The following DNAH6 variants were observed in gnomAD, a reference collection of about 807,000 sequenced individuals.
DNAH6 encodes axonemal beta dynein heavy chain 6.
In DNAH6, 340 loss-of-function variants were observed where a neutral mutation model predicts 491.4. The ratio of observed to expected loss-of-function variants is 0.69; its 90% CI spans 0.63 to 0.76. The LOEUF (loss-of-function observed/expected upper bound fraction) is 0.76, where lower values mean the gene tolerates loss of function less well. Among genes scored for constraint, DNAH6 ranks in the 30% least tolerant of loss-of-function variants. DNAH6 has a pLI of 0.00. For synonymous variants in DNAH6, 1,603 were observed against 1,686.1 expected (o/e 0.95, Z 1.21); for missense variants, 4,443 against 4,972.2 (o/e 0.89, Z 3.20).
At chr2:84,574,746 A>G (rs537242646) in intron 12 of DNAH6, among the ~76,000 whole-genome samples, 1 of 152,356 alleles carries the variant, frequency 6.6e-6, no homozygotes, top group Admixed American at 6.5e-5. Flanking sequence ...ATGGCATCAC[A>G]GTGGCAGCAG....
At position 84,730,691 on chromosome 2, in the gene DNAH6, C is replaced by A. The variant is rs556214907; in HGVS notation, c.10207-2753C>A. On this transcript the variant is annotated intron_variant, in intron 61 of 76. Transcript: ENST00000389394. ...GGACAAGCTTTTTTTAAAGCATTTTCTCTTAATGCTAGGAATCCAAAAAAT... is the reference window on the plus strand; with the variant it reads ...GGACAAGCTTTTTTTAAAGCATTTTATCTTAATGCTAGGAATCCAAAAAAT... Among the ~76,000 whole-genome samples, 415 of 152,294 alleles carry A rather than the reference C, an allele frequency of 2.7e-3. 3 individuals are homozygous for A. Among genetic ancestry groups the A allele is most frequent in the African/African-American group, 9.7e-3 (405 of 41,576 alleles).
chr2:84,576,126 A>G (rs895946243), intron 12 of DNAH6, among the ~76,000 whole-genome samples: 6 of 152,234 alleles, frequency 3.9e-5, no homozygotes, highest in African/African-American at 9.6e-5. Flanking sequence ...ACAGCGCAGC[A>G]TTATACGGGT....
the DNAH6 span, among the ~76,000 whole-genome samples, chr2:84,465,960 A>C: frequency 6.6e-6 from 1 of 152,202 alleles, no homozygotes; most frequent in Non-Finnish European, 1.5e-5. Context: ...TTTTCATGTA[A>C]GCTCTTTTTA....
intron 9 of DNAH6, among the ~76,000 whole-genome samples, chr2:84,551,081 C>T (rs1425916999): frequency 6.6e-6 from 1 of 152,162 alleles, no homozygotes; most frequent in Non-Finnish European, 1.5e-5. Context: ...ATGCTCACCT[C>T]ATTTCATCAA....
chr2:84,488,804 A>G, the DNAH6 span, among the ~76,000 whole-genome samples: 4 of 152,220 alleles, frequency 2.6e-5, no homozygotes, highest in Non-Finnish European at 5.9e-5. Context: ...AAACATCTTT[A>G]GGAGCTATTA....
chr2:84,572,877 T>C (rs895960999), intron 11 of DNAH6, among the ~76,000 whole-genome samples: 1 of 152,212 alleles, frequency 6.6e-6, no homozygotes, highest in Non-Finnish European at 1.5e-5. Context: ...GACACAGTTA[T>C]TAAAGGGACT....
Position 84,547,354 on chromosome 2 carries a change from C to T in DNAH6, c.1017C>T (p.Thr339=). The change falls in exon 6 of 77, where the codon ACC becomes ACT. Residue 339 remains threonine, a synonymous_variant. Coordinates refer to ENST00000389394, the MANE Select transcript of DNAH6 (RefSeq NM_001370.2). ...MGLCYIEKCH[T]YTLQEFKAAQ... ...TTTGTTATATTGAAAAGTGTCACAC[C>T]TACACCCTGCAGGAATTTAAGGCCG... The T allele has an allele frequency of 6.4e-7, 1 of 1,551,640 alleles. No individual in the cohort carries two copies. The highest frequency in any genetic ancestry group is 8.7e-7 in the Non-Finnish European group (1 of 1,146,926).
intron 63 of DNAH6, among the ~76,000 whole-genome samples, chr2:84,757,303 G>A (rs1402120722): frequency 6.6e-6 from 1 of 152,182 alleles, no homozygotes. Context: ...AGCACAGAGA[G>A]AAAGACCTCA....
chr2:84,725,500 A>T (rs1698539944), intron 60 of DNAH6, among the ~76,000 whole-genome samples: 1 of 152,242 alleles, frequency 6.6e-6, no homozygotes, highest in African/African-American at 2.4e-5. Flanking sequence ...TATTAACCCA[A>T]GCAAAATAAG....
At chr2:84,745,343 A>T (rs1672861658) in intron 63 of DNAH6, 94 bp downstream of exon 63, 5 of 1,022,850 alleles carry the variant, frequency 4.9e-6, no homozygotes, top group Non-Finnish European at 6.6e-6. Flanking sequence ...TGAGAGTAAC[A>T]ATGGCCAAGT....
intron 70 of DNAH6, among the ~76,000 whole-genome samples, chr2:84,801,269 GAAA>G (rs548174516): frequency 4.5e-5 from 5 of 110,494 alleles, no homozygotes; most frequent in South Asian, 3.1e-4. Context: ...AAAAGAAAAA[GAAA>G]AAAAAAAAAA....
intron 22 of DNAH6, among the ~76,000 whole-genome samples, chr2:84,615,670 A>G (rs1686786292): frequency 6.6e-6 from 1 of 152,178 alleles, no homozygotes; most frequent in Admixed American, 6.6e-5. Flanking sequence ...ATTCATGAAC[A>G]TAGGATGTGT....
intron 64 of DNAH6, among the ~76,000 whole-genome samples, chr2:84,774,524 C>T (rs1253715858): frequency 6.6e-6 from 1 of 151,820 alleles, no homozygotes; most frequent in Non-Finnish European, 1.5e-5. Context: ...TCTTTTTACA[C>T]GGGATTGCTT....
In DNAH6 at chr2:84,633,958, A is replaced by G. The variant is rs183781721; in HGVS notation, c.4516-546A>G. On this transcript the variant is annotated intron_variant, in intron 29 of 76. Coordinates refer to ENST00000389394, the MANE Select transcript of DNAH6 (RefSeq NM_001370.2). ...CAAGATTTATATACATGCTTAACCA[A>G]TATCTCAAGTGCCCAAAAGAAATGC... is the stretch of plus-strand genomic sequence containing the variant. Among the ~76,000 whole-genome samples, 326 of 152,326 alleles carry G rather than the reference A, an allele frequency of 2.1e-3. 2 individuals are homozygous for G. The highest frequency in any genetic ancestry group is 7.7e-3 in the African/African-American group (321 of 41,584).
intron 65 of DNAH6, among the ~76,000 whole-genome samples, chr2:84,782,328 T>C (rs1049716868): frequency 2.6e-5 from 4 of 152,234 alleles, no homozygotes; most frequent in African/African-American, 9.6e-5. Context: ...CACTCTGCTG[T>C]GAAGCCCTGG....
intron 63 of DNAH6, among the ~76,000 whole-genome samples, chr2:84,752,163 A>G (rs1441014054): frequency 1.3e-5 from 2 of 152,192 alleles, no homozygotes; most frequent in Non-Finnish European, 1.5e-5. Flanking sequence ...GATGAATCTC[A>G]CTTAGAGCAA....
At chr2:84,658,001 A>G (rs1244758757) in intron 35 of DNAH6, among the ~76,000 whole-genome samples, 2 of 152,040 alleles carry the variant, frequency 1.3e-5, no homozygotes, top group Admixed American at 1.3e-4. Context: ...AGAAGAGTGC[A>G]TGAAATATGT....
At chr2:84,675,647 T>G (rs1693171817) in intron 40 of DNAH6, among the ~76,000 whole-genome samples, 1 of 152,156 alleles carries the variant, frequency 6.6e-6, no homozygotes, top group South Asian at 2.1e-4. Flanking sequence ...TTACTGTGAT[T>G]TATATTGCAA....
chr2:84,798,268 C>T (rs868201338), intron 70 of DNAH6, among the ~76,000 whole-genome samples: 1 of 152,102 alleles, frequency 6.6e-6, no homozygotes, highest in Non-Finnish European at 1.5e-5. Context: ...CTCAGAGTCA[C>T]CAGGCACCAG....
Sources: gnomAD v4.1 joint callset for allele counts (sites outside exome capture counted in the v4.1 genomes callset) on GRCh38, gnomAD v4.1.1 for gene constraint, MANE v1.5 for transcripts, NCBI Gene and HGNC (gene_info 2026-07-23, HGNC 2026-07-21) for gene names.